The following PCSK5 variants were observed in gnomAD, a reference collection of about 807,000 sequenced individuals.
PCSK5 encodes the protein proprotein convertase subtilisin/kexin type 5.
Under a neutral mutation model 233.2 loss-of-function variants are expected in PCSK5, and 129 were observed. That is an observed-to-expected ratio of 0.55 (90% CI 0.48 to 0.64). The LOEUF is 0.64. Among genes scored for constraint, PCSK5 ranks in the 30% least tolerant of loss-of-function variants. The pLI is 0.00. For synonymous variants in PCSK5, 825 were observed against 879.2 expected (o/e 0.94, Z 1.09); for missense variants, 2,076 against 2,430.1 (o/e 0.85, Z 3.06).
chr9:75,937,148 T>C (rs1824091449), intron 2 of PCSK5, among the ~76,000 whole-genome samples: 2 of 151,822 alleles, frequency 1.3e-5, no homozygotes, highest in African/African-American at 4.8e-5. Flanking sequence ...GTTCCACTTA[T>C]GGAGCACAGG....
chr9:76,321,394 C>G (rs1829197471), intron 30 of PCSK5, 28 bp from the exon 31 acceptor site: 1 of 1,231,984 alleles, frequency 8.1e-7, no homozygotes, highest in Non-Finnish European at 1.2e-6. Flanking sequence ...GTCAGCTTCT[C>G]CAGTTGCACT....
chr9:76,211,924 C>T (rs981666834), intron 20 of PCSK5, among the ~76,000 whole-genome samples: 2 of 152,138 alleles, frequency 1.3e-5, no homozygotes, highest in Admixed American at 6.5e-5. Flanking sequence ...TCACTGCACC[C>T]GCCATGAGCA....
At chr9:76,162,838 C>T (rs754047345) in intron 12 of PCSK5, among the ~76,000 whole-genome samples, 3 of 152,046 alleles carry the variant, frequency 2.0e-5, no homozygotes, top group Admixed American at 6.5e-5. Context: ...CTTTTCATCC[C>T]GAATTAGAAT....
intron 21 of PCSK5, among the ~76,000 whole-genome samples, chr9:76,229,932 C>T (rs1264133237): frequency 1.3e-5 from 2 of 152,204 alleles, no homozygotes; most frequent in Non-Finnish European, 1.5e-5. Context: ...AGAAGCTCTT[C>T]CCCTGCAGAG....
chr9:76,227,507 A>T lies in PCSK5; in HGVS notation c.2631A>T (p.Glu877Asp). 6.2e-7 allele frequency: 1 copy of T among 1,608,744 alleles called. No homozygotes were observed. The highest frequency in any genetic ancestry group is 8.5e-7 in the Non-Finnish European group (1 of 1,176,956). Reference protein sequence around the residue: ...CQMGAICKDGEYVDEHGHCQT... With the variant: ...CQMGAICKDGDYVDEHGHCQT... ...CAACTAGATTTTGTTCCCCAGGAGA[A>T]TATGTTGATGAGCATGGCCACTGCC... is the stretch of plus-strand genomic sequence containing the variant. The change falls in exon 21 of 38, where the codon GAA becomes GAT. Residue 877 changes from glutamate to aspartate, a missense_variant. Around this residue, in one of 6 missense-constraint regions of PCSK5, gnomAD observed 1,510 missense variants for 1,538.1 expected, o/e 0.98. Coordinates refer to ENST00000674117, the MANE Select transcript of PCSK5 (RefSeq NM_001372043.1).
At chr9:75,897,937 C>G (rs1825879347) in intron 1 of PCSK5, among the ~76,000 whole-genome samples, 1 of 152,120 alleles carries the variant, frequency 6.6e-6, no homozygotes, top group Non-Finnish European at 1.5e-5. Context: ...TGTCAAAAAT[C>G]AACCCCAAAC....
rs146263335 is a variant in PCSK5, at chr9:76,145,455, T to G, written c.1312+11243T>G. Among the ~76,000 whole-genome samples the G allele has an allele frequency of 2.4e-4, 37 of 152,258 alleles. 1 individual carries two copies. The East Asian group carries it at 6.2e-3, about 25-fold the overall frequency. On this transcript the variant is annotated intron_variant, in intron 10 of 37. Transcript: ENST00000674117. ...GTCTTCCATGATTATCGTCAACCTG[T>G]CTTGTGAAAATACCACCTCCCCCCC...
chr9:76,302,141 T>C lies in PCSK5; in HGVS notation c.3528T>C (p.Ala1176=). 1 of 1,316,464 alleles carries C rather than the reference T, an allele frequency of 7.6e-7. No individual in the cohort carries two copies. The highest frequency in any genetic ancestry group is 1.0e-6 in the Non-Finnish European group (1 of 999,568). The allele number at this position is 1,316,464 out of a possible 1,614,324, so 81.5% of individuals were successfully genotyped here. A position where few individuals can be genotyped will look rare whatever the true frequency, so the allele number is the denominator to read the frequency against. Residue 1176 remains alanine (A), a synonymous_variant, in exon 28 of 38, where the codon GCT becomes GCC. Transcript: ENST00000674117. ...CTTTTTTTTTTAATAAAAAAGAAGC[T>C]GTGTCCACTGCAAACCTATCTGTGG... The part of the protein sequence containing the change: ...TQEEGKFWNE[A]VSTANLSVVK...
At chr9:76,105,554 C>A (rs544929792) in intron 8 of PCSK5, among the ~76,000 whole-genome samples, 1 of 152,270 alleles carries the variant, frequency 6.6e-6, no homozygotes, top group East Asian at 1.9e-4. Context: ...TAAAAAAATA[C>A]CTGTTTAAAC....
chr9:76,079,607 A>G (rs964197006), intron 7 of PCSK5, among the ~76,000 whole-genome samples: 6 of 152,222 alleles, frequency 3.9e-5, no homozygotes, highest in Non-Finnish European at 7.3e-5. Flanking sequence ...TCGTATCATC[A>G]GCAAGGAGAA....
At chr9:76,095,102 G>A (rs1218771896) in intron 7 of PCSK5, among the ~76,000 whole-genome samples, 1 of 152,198 alleles carries the variant, frequency 6.6e-6, no homozygotes, top group African/African-American at 2.4e-5. Flanking sequence ...GTTTTGCAAT[G>A]AAGAGGCTCA....
chr9:75,932,250 A>C, intron 1 of PCSK5, 129 bp from the exon 2 acceptor site: 9 of 613,154 alleles, frequency 1.5e-5, no homozygotes, highest in Non-Finnish European at 1.5e-5. Flanking sequence ...AAGCACAGCC[A>C]GCAGCTGCAT....
At chr9:75,903,191 CTACCT>C (rs1826115497) in intron 1 of PCSK5, among the ~76,000 whole-genome samples, 1 of 152,100 alleles carries the variant, frequency 6.6e-6, no homozygotes, top group Admixed American at 6.5e-5. Flanking sequence ...CTAAACTTTA[CTACCT>C]TATAGGAATA....
intron 3 of PCSK5, among the ~76,000 whole-genome samples, chr9:76,023,210 GACTT>G (rs1828276658): frequency 6.6e-6 from 1 of 152,148 alleles, no homozygotes; most frequent in South Asian, 2.1e-4. Context: ...TTTTCCAAAA[GACTT>G]ACGGTATCAG....
At chr9:75,961,640 G>T (rs1487864152) in intron 2 of PCSK5, among the ~76,000 whole-genome samples, 1 of 152,150 alleles carries the variant, frequency 6.6e-6, no homozygotes. Context: ...AATTTTATGA[G>T]ATCTAAATGC....
intron 5 of PCSK5, among the ~76,000 whole-genome samples, chr9:76,047,375 A>G (rs900023724): frequency 6.6e-6 from 1 of 152,108 alleles, no homozygotes; most frequent in Non-Finnish European, 1.5e-5. Flanking sequence ...GGGAAATCTT[A>G]CTGATGCTGA....
intron 23 of PCSK5, 53 bp from the exon 24 acceptor site, chr9:76,240,563 G>A (rs946442709): frequency 5.6e-5 from 67 of 1,188,168 alleles, no homozygotes; most frequent in South Asian, 6.5e-5. Context: ...AGCAATTAAC[G>A]TGTCTCCACT....
chr9:76,287,983 TA>T (rs35834166), intron 24 of PCSK5: 31,959 of 152,590 alleles, frequency 0.21, 3,467 homozygotes, highest in Middle Eastern at 0.26. Flanking sequence ...CATTCAGATA[TA>T]ATGGGTTTCC....
At chr9:75,920,213 T>G (rs556909419) in intron 1 of PCSK5, among the ~76,000 whole-genome samples, 1 of 152,184 alleles carries the variant, frequency 6.6e-6, no homozygotes, top group East Asian at 1.9e-4. Context: ...TAGGGGGAGC[T>G]TCTCCTCCTA....
Sources: gnomAD v4.1 joint callset for allele counts (sites outside exome capture counted in the v4.1 genomes callset) on GRCh38, gnomAD v4.1.1 for gene constraint, gnomAD v4.1.1 regional missense constraint, MANE v1.5 for transcripts, NCBI Gene and HGNC (gene_info 2026-07-23, HGNC 2026-07-21) for gene names.